PINK1: variants seen among roughly 807,000 people sequenced by gnomAD.
PINK1 encodes the protein PTEN induced kinase 1.
In PINK1, 58 loss-of-function variants were observed where a neutral mutation model predicts 56.0. The ratio of observed to expected loss-of-function variants is 1.04; its 90% CI spans 0.84 to 1.29. PINK1 has a LOEUF of 1.29. Among genes scored for constraint, PINK1 ranks in the 50% most tolerant of loss-of-function variants. PINK1 has a pLI of 0.00. For missense variants in PINK1, 745 were observed against 777.9 expected, an observed-to-expected ratio of 0.96 and a Z score of 0.50; for synonymous variants, 354 against 339.3, an observed-to-expected ratio of 1.04 and a Z score of -0.48.
chr1:20,650,628 C>T lies in PINK1; in HGVS notation c.1683C>T (p.Asn561=). Residue 561 remains asparagine (N), a synonymous_variant, in exon 8 of 8, where the codon AAC becomes AAT. Coordinates refer to ENST00000321556, the MANE Select transcript of PINK1 (RefSeq NM_032409.3). ...AAATGAAGATGCTCTTTCTGGCTAA[C>T]CTGGAGTGTGAAACGCTCTGCCAGG... is the stretch of plus-strand genomic sequence containing the variant. The part of the protein sequence containing the change: ...ETKMKMLFLA[N]LECETLCQAA... The T allele has an allele frequency of 6.2e-7, 1 of 1,614,238 alleles. No individual in the cohort carries two copies.
rs751275626 is a variant in PINK1 at position 20,649,085 on chromosome 1, G to A, written c.1342G>A (p.Gly448Arg). Residue 448 changes from glycine (G) to arginine (R), a missense_variant, in exon 7 of 8, where the codon GGG becomes AGG. Coordinates refer to ENST00000321556, the MANE Select transcript of PINK1 (RefSeq NM_032409.3). ...AVGAIAYEIF[G>R]LVNPFYGQGK... ...GGGAGCCATCGCCTATGAAATCTTC[G>A]GGCTTGTCAATCCCTTCTACGGCCA... 1.1e-5 allele frequency: 18 copies of A among 1,614,196 alleles called. No individual in the cohort carries two copies. The highest frequency in any genetic ancestry group is 8.9e-5 in the East Asian group (4 of 44,888).
At position 20,651,353 on chromosome 1, in the gene PINK1, T is replaced by TAAG. The variant is rs1243089314; in HGVS notation, c.*665_*667dup. ...GTGCCTTGAACTGAATATTTGGCTT[T>TAAG]AAGAATGATTCTTATACTCTGAAGG... On this transcript the variant is annotated 3_prime_UTR_variant, in exon 8 of 8. Transcript: ENST00000321556. The TAAG allele has an allele frequency of 7.4e-6, 1 of 134,346 alleles. No individual in the cohort carries two copies. The highest frequency in any genetic ancestry group is 2.7e-5 in the African/African-American group (1 of 37,092). 8.3% of individuals were successfully genotyped at this position (134,346 alleles called of 1,614,324 possible).
In PINK1 at chr1:20,633,626, C is replaced by T; in HGVS notation, c.78C>T (p.Gly26=). The change falls in exon 1 of 8, where the codon GGC becomes GGT. Residue 26 remains glycine (G), a synonymous_variant. Coordinates refer to ENST00000321556, the MANE Select transcript of PINK1 (RefSeq NM_032409.3). ...TGCTGCGCTTCACGGGCAAGCCCGGCCGGGCCTACGGCTTGGGGCGGCCGG... is the reference window on the plus strand; with the variant it reads ...TGCTGCGCTTCACGGGCAAGCCCGGTCGGGCCTACGGCTTGGGGCGGCCGG... ...ALLLRFTGKP[G]RAYGLGRPGP... is the part of the protein sequence containing the mutation. 3.1e-6 allele frequency: 4 copies of T among 1,296,562 alleles called. No individual in the cohort carries two copies. The highest frequency in any genetic ancestry group is 3.9e-6 in the Non-Finnish European group (4 of 1,029,776). The allele number at this position is 1,296,562 out of a possible 1,614,324, so 80.3% of individuals were successfully genotyped here.
rs917407647 is a variant in PINK1, at chr1:20,633,523, CG to C, written c.-21del. ...CCGGTGGTGGCGGCAGCGGCGGCTG[CG>C]GGGGCACCGGGCCGCGGCGCCACCA... On this transcript the variant is annotated 5_prime_UTR_variant, in exon 1 of 8. Transcript: ENST00000321556. The C allele has an allele frequency of 9.7e-6, 11 of 1,134,878 alleles. No individual in the cohort carries two copies. Among genetic ancestry groups the C allele is most frequent in the Non-Finnish European group, 4.3e-6 (4 of 926,666 alleles). 70.3% of individuals were successfully genotyped at this position (1,134,878 alleles called of 1,614,324 possible). A position where few individuals can be genotyped will look rare whatever the true frequency, so the allele number is the denominator to read the frequency against.
chr1:20,640,377 C>T (rs1570401415), intron 3 of PINK1, among the ~76,000 whole-genome samples: 1 of 150,154 alleles, frequency 6.7e-6, no homozygotes, highest in Non-Finnish European at 1.5e-5. Flanking sequence ...GTTATGTGCA[C>T]TGATGGTGCC....
chr1:20,634,255 C>A (rs2053031313), intron 1 of PINK1, among the ~76,000 whole-genome samples: 1 of 152,152 alleles, frequency 6.6e-6, no homozygotes, highest in Non-Finnish European at 1.5e-5. Context: ...ATTCCTATCC[C>A]TTTGAGGTAG....
At chr1:20,647,053 A>ATTTTTTGTTTTTT (rs2053191780) in intron 5 of PINK1, among the ~76,000 whole-genome samples, 1 of 91,436 alleles carries the variant, frequency 1.1e-5, no homozygotes, top group Non-Finnish European at 2.1e-5. Context: ...CTAATTTTTG[A>ATTTTTTGTTTTTT]TTTTTTTTTT....
intron 6 of PINK1, 116 bp downstream of exon 6, chr1:20,648,748 T>A: frequency 6.6e-7 from 1 of 1,520,490 alleles, no homozygotes; most frequent in South Asian, 1.2e-5. Flanking sequence ...GACCCATAAT[T>A]TGGCACAAGT....
chr1:20,638,123 C>T lies in PINK1; in HGVS notation c.669C>T (p.Asn223=). 6.2e-7 allele frequency: 1 copy of T among 1,611,688 alleles called. No homozygotes were observed. Among genetic ancestry groups the T allele is most frequent in the South Asian group, 1.1e-5 (1 of 91,086 alleles). ...AFPLAIKMMW[N]ISAGSSSEAI... is the part of the protein sequence containing the mutation. The stretch of plus-strand genomic sequence containing the variant: ...CCTTGGCCATCAAGATGATGTGGAA[C>T]ATCTCGGTAAGCACCAGGCCTTTCA... Residue 223 remains asparagine (N), a synonymous_variant, in exon 2 of 8, where the codon AAC becomes AAT. Coordinates refer to ENST00000321556, the MANE Select transcript of PINK1 (RefSeq NM_032409.3).
intron 3 of PINK1, among the ~76,000 whole-genome samples, chr1:20,644,057 A>G (rs1023667604): frequency 9.2e-5 from 14 of 152,214 alleles, no homozygotes; most frequent in African/African-American, 3.4e-4. Context: ...CTCTCTCTAA[A>G]TATCTTCTTG....
chr1:20,649,868 C>G (rs529942376), intron 7 of PINK1: 19 of 180,426 alleles, frequency 1.1e-4, no homozygotes, highest in African/African-American at 4.3e-4. Flanking sequence ...GAGAACTGAT[C>G]AGAGAGAGAT....
chr1:20,640,140 A>T, intron 3 of PINK1, 148 bp downstream of exon 3: 1 of 760,998 alleles, frequency 1.3e-6, no homozygotes, highest in Non-Finnish European at 2.3e-6. Flanking sequence ...GTTAGTGGAT[A>T]ATTTCACTTG....
At position 20,650,524 on chromosome 1, in the gene PINK1, A is replaced by G. The variant is rs779798626; in HGVS notation, c.1579A>G (p.Met527Val). The change falls in exon 8 of 8, where the codon ATG (methionine) becomes GTG (valine). Residue 527 changes from methionine (M) to valine (V), a missense_variant. Coordinates refer to ENST00000321556, the MANE Select transcript of PINK1 (RefSeq NM_032409.3). ...LALKNLKLDKMVGWLLQQSAA... is the reference protein window; with the variant it reads ...LALKNLKLDKVVGWLLQQSAA... ...CCTGAAGAATCTGAAGTTAGACAAGATGGTTGGCTGGCTCCTCCAACAATC... is the reference window on the plus strand; with the variant it reads ...CCTGAAGAATCTGAAGTTAGACAAGGTGGTTGGCTGGCTCCTCCAACAATC... 6.2e-6 allele frequency: 10 copies of G among 1,614,070 alleles called. No homozygotes were observed. In the Admixed American group the frequency reaches 1.7e-4, roughly 27 times the overall value.
chr1:20,649,447 C>T (rs2154534016), intron 7 of PINK1: 4 of 580,826 alleles, frequency 6.9e-6, no homozygotes, highest in East Asian at 5.9e-5. Context: ...AGTTCAACTC[C>T]TGTGGCTTTT....
At position 20,649,050 on chromosome 1, in the gene PINK1, C is replaced by G; in HGVS notation, c.1307C>G (p.Ala436Gly). The change falls in exon 7 of 8, where the codon GCC (alanine) becomes GGC (glycine). Residue 436 changes from alanine (A) to glycine (G), a missense_variant. Coordinates refer to ENST00000321556, the MANE Select transcript of PINK1 (RefSeq NM_032409.3). ...RAVIDYSKAD[A>G]WAVGAIAYEI... Reference sequence around the variant, plus strand: ...GTGATTGACTACAGCAAGGCTGATGCCTGGGCAGTGGGAGCCATCGCCTAT... The same window carrying G: ...GTGATTGACTACAGCAAGGCTGATGGCTGGGCAGTGGGAGCCATCGCCTAT... 1 of 1,614,118 alleles carries G rather than the reference C, an allele frequency of 6.2e-7. No homozygotes were observed. Among genetic ancestry groups the G allele is most frequent in the South Asian group, 1.1e-5 (1 of 91,074 alleles).
rs2053047067 is a variant in PINK1 at position 20,635,425 on chromosome 1, C to T, written c.387+1490C>T. ...CTGAGGCAGGAGAATTCCTTGAACC[C>T]GGGAGGCGGAGGTTGCAGTGAGCTG... On this transcript the variant is annotated intron_variant, in intron 1 of 7. Transcript: ENST00000321556. 3.3e-5 allele frequency among the ~76,000 whole-genome samples: 5 copies of T among 152,160 alleles called. No homozygotes were observed. In the South Asian group the frequency reaches 1.0e-3, roughly 32 times the overall value.
chr1:20,634,292 A>C (rs2154533529), intron 1 of PINK1, among the ~76,000 whole-genome samples: 1 of 152,314 alleles, frequency 6.6e-6, no homozygotes, highest in Admixed American at 6.5e-5. Flanking sequence ...ATGGAGAAGG[A>C]AAGTCCTCAG....
chr1:20,643,597 C>CT (rs1320007149), intron 3 of PINK1, among the ~76,000 whole-genome samples: 1 of 152,230 alleles, frequency 6.6e-6, no homozygotes, highest in Non-Finnish European at 1.5e-5. Context: ...GACAGGGACT[C>CT]TGTCTTGTTC....
At chr1:20,638,189 C>G in intron 2 of PINK1, 60 bp downstream of exon 2, 1 of 1,566,434 alleles carries the variant, frequency 6.4e-7, no homozygotes, top group Non-Finnish European at 8.6e-7. Context: ...TCTTAGTGGG[C>G]CTGGTGAGGA....
Sources: gnomAD v4.1 joint callset for allele counts (sites outside exome capture counted in the v4.1 genomes callset) on GRCh38, gnomAD v4.1.1 for gene constraint, MANE v1.5 for transcripts, NCBI Gene and HGNC (gene_info 2026-07-23, HGNC 2026-07-21) for gene names.